TRIO: variants seen among roughly 807,000 people sequenced by gnomAD.
TRIO encodes the protein trio Rho guanine nucleotide exchange factor.
In TRIO, 58 loss-of-function variants were observed where a neutral mutation model predicts 351.9. That is an observed-to-expected ratio of 0.16 (90% CI 0.13 to 0.21). The LOEUF (loss-of-function observed/expected upper bound fraction) is 0.21, where lower values mean the gene tolerates loss of function less well. Among genes scored for constraint, TRIO ranks in the 10% least tolerant of loss-of-function variants. TRIO has a pLI of 1.00. For missense variants in TRIO, 3,201 were observed against 4,027.8 expected, an observed-to-expected ratio of 0.79 and a Z score of 5.56; for synonymous variants, 1,758 against 1,595.7, an observed-to-expected ratio of 1.10 and a Z score of -2.42.
chr5:14,247,866 G>A (rs560970704), intron 1 of TRIO, among the ~76,000 whole-genome samples: 106 of 152,242 alleles, frequency 7.0e-4, no homozygotes, highest in Non-Finnish European at 1.1e-3. Flanking sequence ...AGGAGTTCAA[G>A]ACCAGCCTGG....
chr5:14,218,774 C>T (rs1792389310), intron 1 of TRIO, among the ~76,000 whole-genome samples: 1 of 152,220 alleles, frequency 6.6e-6, no homozygotes, highest in South Asian at 2.1e-4. Context: ...CCACTGCCCT[C>T]CTGCATTAGA....
chr5:14,358,731 T>C (rs183161136), intron 12 of TRIO, among the ~76,000 whole-genome samples: 23 of 152,292 alleles, frequency 1.5e-4, no homozygotes, highest in Admixed American at 1.4e-3. Context: ...CCTCCCAACG[T>C]CCAGATTCAG....
intron 34 of TRIO, among the ~76,000 whole-genome samples, chr5:14,423,370 A>G (rs1750344397): frequency 6.6e-6 from 1 of 152,194 alleles, no homozygotes; most frequent in Non-Finnish European, 1.5e-5. Flanking sequence ...TCACGTCACC[A>G]TTGTTGATGG....
chr5:14,401,902 C>T (rs1337493332), intron 31 of TRIO, among the ~76,000 whole-genome samples: 1 of 152,036 alleles, frequency 6.6e-6, no homozygotes, highest in Non-Finnish European at 1.5e-5. Context: ...TGCATGTCAC[C>T]CCTTGTGTCT....
At chr5:14,349,535 T>C (rs1742842681) in intron 11 of TRIO, among the ~76,000 whole-genome samples, 1 of 152,226 alleles carries the variant, frequency 6.6e-6, no homozygotes, top group South Asian at 2.1e-4. Context: ...TGCTCTTCCC[T>C]TAGGAATTGA....
intron 21 of TRIO, among the ~76,000 whole-genome samples, chr5:14,382,020 G>A (rs1746150152): frequency 6.6e-6 from 1 of 152,218 alleles, no homozygotes; most frequent in Admixed American, 6.5e-5. Flanking sequence ...ACAACCTGTG[G>A]GGTTGTTGTT....
chr5:14,155,655 A>G (rs1213092275), intron 1 of TRIO, among the ~76,000 whole-genome samples: 9 of 152,184 alleles, frequency 5.9e-5, no homozygotes, highest in Non-Finnish European at 1.5e-5. Flanking sequence ...CCTGATTCTC[A>G]TGACTAAATT....
intron 1 of TRIO, among the ~76,000 whole-genome samples, chr5:14,151,419 T>C (rs1334914240): frequency 1.3e-5 from 2 of 151,994 alleles, no homozygotes; most frequent in African/African-American, 2.4e-5. Flanking sequence ...TATGTATGTA[T>C]GTAGGTATAT....
At chr5:14,376,162 A>G (rs911963250) in intron 19 of TRIO, among the ~76,000 whole-genome samples, 3 of 152,182 alleles carry the variant, frequency 2.0e-5, no homozygotes, top group Non-Finnish European at 4.4e-5. Flanking sequence ...TACTTATCAC[A>G]AAGTACAGAC....
intron 1 of TRIO, among the ~76,000 whole-genome samples, chr5:14,168,222 C>G (rs1788890685): frequency 6.6e-6 from 1 of 152,218 alleles, no homozygotes; most frequent in South Asian, 2.1e-4. Flanking sequence ...AATGCTCTCA[C>G]TGATTTCATG....
intron 37 of TRIO, among the ~76,000 whole-genome samples, chr5:14,469,548 A>G (rs1238973377): frequency 6.6e-6 from 1 of 152,258 alleles, no homozygotes; most frequent in Non-Finnish European, 1.5e-5. Flanking sequence ...GAGTTTCACA[A>G]ATAATTCATC....
intron 1 of TRIO, among the ~76,000 whole-genome samples, chr5:14,153,248 T>C (rs1321964328): frequency 6.6e-6 from 1 of 152,170 alleles, no homozygotes; most frequent in Non-Finnish European, 1.5e-5. Context: ...ACCCTTGCTA[T>C]CCTCTAAATC....
chr5:14,330,667 C>T, intron 9 of TRIO, 111 bp from the exon 10 acceptor site: 11 of 1,340,826 alleles, frequency 8.2e-6, no homozygotes, highest in Admixed American at 5.4e-5. Context: ...TCGTTTGCTT[C>T]TTGTTTCTTA....
In TRIO at chr5:14,480,170, TA is replaced by T. The variant is rs3838239; in HGVS notation, c.6336+161del. Among the ~76,000 whole-genome samples the T allele has an allele frequency of 0.16, 23,711 of 150,290 alleles. 1,908 individuals are homozygous for T. The highest frequency in any genetic ancestry group is 0.21 in the Admixed American group (3,231 of 15,098). On this transcript the variant is annotated intron_variant, in intron 43 of 56. Transcript: ENST00000344204. ...AACCTTAAAAATTTAAATCAGCTGTTAACTGAAGGTGAGGTGGCGGGACAGA... is the reference window on the plus strand; with the variant it reads ...AACCTTAAAAATTTAAATCAGCTGTTACTGAAGGTGAGGTGGCGGGACAGA...
intron 1 of TRIO, among the ~76,000 whole-genome samples, chr5:14,215,778 T>G (rs115762698): frequency 1.3e-5 from 2 of 152,232 alleles, no homozygotes; most frequent in African/African-American, 4.8e-5. Context: ...CCAAAGTGCC[T>G]AAAAATCGAG....
chr5:14,220,386 C>G (rs1281298579), intron 1 of TRIO, among the ~76,000 whole-genome samples: 1 of 152,164 alleles, frequency 6.6e-6, no homozygotes, highest in Non-Finnish European at 1.5e-5. Context: ...TTTTGAGACA[C>G]AACGATATTG....
At chr5:14,474,193 TA>T in intron 40 of TRIO, 96 bp downstream of exon 40, 1 of 1,214,942 alleles carries the variant, frequency 8.2e-7, no homozygotes, top group South Asian at 1.3e-5. Flanking sequence ...CTGTTCATCG[TA>T]TTACCTGTGT....
chr5:14,157,962 T>C (rs1481690146), intron 1 of TRIO, among the ~76,000 whole-genome samples: 3 of 152,154 alleles, frequency 2.0e-5, no homozygotes, highest in Admixed American at 6.5e-5. Context: ...CTCAGTTTCA[T>C]ATATTATGTT....
intron 1 of TRIO, among the ~76,000 whole-genome samples, chr5:14,175,857 C>G (rs948769433): frequency 6.6e-6 from 1 of 152,188 alleles, no homozygotes; most frequent in Admixed American, 6.5e-5. Context: ...TGGGGAGATA[C>G]ACCTTATGAA....
Sources: gnomAD v4.1 joint callset for allele counts (sites outside exome capture counted in the v4.1 genomes callset) on GRCh38, gnomAD v4.1.1 for gene constraint, MANE v1.5 for transcripts, NCBI Gene and HGNC (gene_info 2026-07-23, HGNC 2026-07-21) for gene names.